The following FRMPD1 variants were observed in gnomAD, a reference collection of about 807,000 sequenced individuals.
FRMPD1 encodes FERM and PDZ domain-containing protein 1.
A neutral mutation model predicts 117.8 loss-of-function variants in FRMPD1; 76 were observed. That is an observed-to-expected ratio of 0.65 (90% CI 0.54 to 0.78). FRMPD1 has a LOEUF of 0.78. Ranked by LOEUF, FRMPD1 falls within the 30% of genes least tolerant of loss-of-function variation. The probability of loss-of-function intolerance (pLI) is 0.00; values close to 1 mark genes in which losing one functional copy is unlikely to be tolerated. For synonymous variants in FRMPD1, 783 were observed against 770.4 expected, an observed-to-expected ratio of 1.02 and a Z score of -0.27; for missense variants, 1,786 against 1,964.5, an observed-to-expected ratio of 0.91 and a Z score of 1.72.
intron 2 of FRMPD1, among the ~76,000 whole-genome samples, chr9:37,695,912 G>A (rs758387362): frequency 1.1e-4 from 16 of 151,892 alleles, no homozygotes; most frequent in African/African-American, 1.9e-4. Flanking sequence ...CTCCCAGCTC[G>A]ACCCCACCCC....
the FRMPD1 span, among the ~76,000 whole-genome samples, chr9:37,617,900 T>C: frequency 6.6e-6 from 1 of 152,204 alleles, no homozygotes. Context: ...CCCTCTGGTC[T>C]TTAGAACTCC....
the FRMPD1 span, among the ~76,000 whole-genome samples, chr9:37,633,285 C>A: frequency 1.3e-5 from 2 of 152,144 alleles, no homozygotes; most frequent in African/African-American, 2.4e-5. Context: ...AAGTGATTCG[C>A]CCTCCTCAGC....
the FRMPD1 span, among the ~76,000 whole-genome samples, chr9:37,611,581 C>CT: frequency 1.3e-5 from 2 of 152,088 alleles, no homozygotes; most frequent in South Asian, 2.1e-4. Flanking sequence ...TTGGTAGACT[C>CT]TTTTTTTGCC....
the FRMPD1 span, among the ~76,000 whole-genome samples, chr9:37,633,031 A>ATT: frequency 0.77 from 111,553 of 145,656 alleles, 43,947 homozygotes; most frequent in East Asian, 0.91. Context: ...ATATATATAT[A>ATT]TTTTTCTTTT....
the FRMPD1 span, among the ~76,000 whole-genome samples, chr9:37,610,006 A>C: frequency 6.6e-6 from 1 of 152,120 alleles, no homozygotes; most frequent in Non-Finnish European, 1.5e-5. Context: ...AGCCCCATTT[A>C]GTTTTTACAA....
At chr9:37,657,229 T>C (rs777144229) in intron 1 of FRMPD1, among the ~76,000 whole-genome samples, 1 of 152,200 alleles carries the variant, frequency 6.6e-6, no homozygotes, top group African/African-American at 2.4e-5. Context: ...CAGCTTGTAT[T>C]AAAACCAACG....
chr9:37,698,769 A>C (rs2118082448), intron 2 of FRMPD1, among the ~76,000 whole-genome samples: 1 of 143,408 alleles, frequency 7.0e-6, no homozygotes, highest in Non-Finnish European at 1.5e-5. Flanking sequence ...ATGGAGTTTC[A>C]CTCTTGTTGC....
intron 1 of FRMPD1, among the ~76,000 whole-genome samples, chr9:37,655,835 C>T (rs1820827087): frequency 6.6e-6 from 1 of 152,106 alleles, no homozygotes; most frequent in Non-Finnish European, 1.5e-5. Flanking sequence ...CCTCAGGTCT[C>T]TAGGCCTTTG....
the FRMPD1 span, chr9:37,637,199 G>T: frequency 1.4e-5 from 23 of 1,610,278 alleles, no homozygotes; most frequent in Admixed American, 3.8e-4. Context: ...CTCTGTGTAA[G>T]GGTCATCAGC....
chr9:37,702,918 C>T (rs1331677959), intron 2 of FRMPD1, among the ~76,000 whole-genome samples: 1 of 152,092 alleles, frequency 6.6e-6, no homozygotes, highest in African/African-American at 2.4e-5. Context: ...TATTCCCTAT[C>T]GGGTTGTTTT....
chr9:37,701,471 TTGTG>T (rs200016680), intron 2 of FRMPD1, among the ~76,000 whole-genome samples: 3 of 123,602 alleles, frequency 2.4e-5, no homozygotes, highest in Admixed American at 8.2e-5. Flanking sequence ...GTTGGGGAAA[TTGTG>T]TGTGTGTGTG....
chr9:37,619,784 C>T, the FRMPD1 span, among the ~76,000 whole-genome samples: 2 of 150,394 alleles, frequency 1.3e-5, no homozygotes, highest in African/African-American at 2.4e-5. Context: ...GAAATTGAAT[C>T]GAAAAAGGTT....
the FRMPD1 span, among the ~76,000 whole-genome samples, chr9:37,614,110 G>A: frequency 0.014 from 2,135 of 152,282 alleles, 41 homozygotes; most frequent in African/African-American, 0.049. Context: ...CTCTAACATA[G>A]GTAGAAAATG....
chr9:37,630,215 ACT>A, the FRMPD1 span, among the ~76,000 whole-genome samples: 1 of 152,040 alleles, frequency 6.6e-6, no homozygotes, highest in African/African-American at 2.4e-5. Flanking sequence ...TACCTTATTG[ACT>A]CTCTAAGAAG....
In FRMPD1 at chr9:37,705,991, AT is replaced by A. The variant is rs1290099063; in HGVS notation, c.102-1424del. On this transcript the variant is annotated intron_variant, in intron 2 of 15. Coordinates refer to ENST00000377765, the MANE Select transcript of FRMPD1 (RefSeq NM_014907.3). ...AATAAATAAATAAATAAATAAATAA[AT>A]AAATAAATAAAAGATTGAAAAAAAA... is the stretch of plus-strand genomic sequence containing the variant. Among the ~76,000 whole-genome samples the A allele has an allele frequency of 5.8e-3, 878 of 151,344 alleles. 8 individuals are homozygous for A. Among genetic ancestry groups the A allele is most frequent in the African/African-American group, 0.02 (839 of 41,198 alleles).
At chr9:37,655,793 G>A (rs973777136) in intron 1 of FRMPD1, among the ~76,000 whole-genome samples, 5 of 151,924 alleles carry the variant, frequency 3.3e-5, no homozygotes, top group African/African-American at 7.3e-5. Flanking sequence ...ATGAGTCCCC[G>A]TGCCCAGCCT....
At chr9:37,640,179 T>C in the FRMPD1 span, among the ~76,000 whole-genome samples, 1 of 152,202 alleles carries the variant, frequency 6.6e-6, no homozygotes, top group East Asian at 1.9e-4. Context: ...AATGAGATAT[T>C]GTCTGCATAA....
Position 37,740,452 on chromosome 9 carries a change from G to C in FRMPD1, c.1924G>C (p.Asp642His). ...SPGLAESIDSDSQEERSGIET... is the reference protein window; with the variant it reads ...SPGLAESIDSHSQEERSGIET... The stretch of plus-strand genomic sequence containing the variant: ...AGGCCTCGCAGAGAGCATTGACTCT[G>C]ACAGCCAGGAGGAGAGAAGCGGGAT... The change falls in exon 15 of 16, where the codon GAC becomes CAC. Residue 642 changes from aspartate (D) to histidine (H), a missense_variant. By Grantham distance (81) the Asp-to-His change is moderately conservative. Transcript: ENST00000377765. The surrounding 1 kb of genome is among the most constrained non-coding windows in gnomAD (Gnocchi z 4.2). 1 of 1,614,178 alleles carries C rather than the reference G, an allele frequency of 6.2e-7. No homozygotes were observed.
the FRMPD1 span, among the ~76,000 whole-genome samples, chr9:37,643,754 G>T: frequency 6.6e-6 from 1 of 152,032 alleles, no homozygotes; most frequent in Non-Finnish European, 1.5e-5. Context: ...GGCTTTTGTG[G>T]CCTCTTGGGT....
Sources: allele counts gnomAD v4.1 joint callset (sites outside exome capture counted in the v4.1 genomes callset), GRCh38; gene constraint gnomAD v4.1.1; non-coding constraint Gnocchi (gnomAD v3.1); transcripts MANE v1.5; gene names NCBI Gene and HGNC (gene_info 2026-07-23, HGNC 2026-07-21).